The following NUDCD3 variants were observed in gnomAD, a reference collection of about 807,000 sequenced individuals.
NUDCD3 encodes NudC domain containing 3.
Under a neutral mutation model 39.7 loss-of-function variants are expected in NUDCD3, and 13 were observed. The observed-to-expected ratio is 0.33, with a 90% confidence interval of 0.21 to 0.52. The LOEUF is 0.52. NUDCD3 is among the 20% of genes least tolerant of loss of function. The probability of loss-of-function intolerance (pLI) is 0.96; values close to 1 mark genes in which losing one functional copy is unlikely to be tolerated. For missense variants in NUDCD3, 453 were observed against 458.1 expected, an observed-to-expected ratio of 0.99 and a Z score of 0.10; for synonymous variants, 175 against 172.4, an observed-to-expected ratio of 1.02 and a Z score of -0.12.
chr7:44,382,080 G>A lies in NUDCD3; in HGVS notation c.*3931C>T, dbSNP rs1363376910. 2 of 152,110 alleles carry A rather than the reference G, an allele frequency of 1.3e-5. No homozygotes were observed. The highest frequency in any genetic ancestry group is 2.9e-5 in the Non-Finnish European group (2 of 68,026). The allele number at this position is 152,110 out of a possible 1,614,324, so 9.4% of individuals were successfully genotyped here. A position where few individuals can be genotyped will look rare whatever the true frequency, so the allele number is the denominator to read the frequency against. ...CATTTGGTGTGGAGGAATGGGTGGT[G>A]GGATTGAAAACCCCTACCAGACCCC... On this transcript the variant is annotated 3_prime_UTR_variant, in exon 6 of 6. Transcript: ENST00000355451.
intron 2 of NUDCD3, chr7:44,468,349 C>CAAAAAAAAAAAAA (rs77181470): frequency 1.8e-5 from 7 of 381,104 alleles, no homozygotes; most frequent in Non-Finnish European, 2.9e-5. Context: ...GTAAAAACTG[C>CAAAAAAAAAAAAA]AAAAAAAAAA....
intron 1 of NUDCD3, among the ~76,000 whole-genome samples, chr7:44,486,563 AAAC>A (rs1280676245): frequency 6.6e-6 from 1 of 152,096 alleles, no homozygotes; most frequent in Non-Finnish European, 1.5e-5. Flanking sequence ...TAAAAACTGG[AAAC>A]AACACCAGAA....
chr7:44,476,820 A>C (rs894580168), intron 2 of NUDCD3, among the ~76,000 whole-genome samples: 5 of 152,266 alleles, frequency 3.3e-5, no homozygotes, highest in African/African-American at 9.6e-5. Context: ...AATAACGTAA[A>C]ATGAAGTGCA....
intron 2 of NUDCD3, among the ~76,000 whole-genome samples, chr7:44,447,097 G>A (rs991465240): frequency 1.4e-4 from 21 of 152,244 alleles, no homozygotes; most frequent in African/African-American, 5.1e-4. Context: ...GCTTCGCCAT[G>A]AGGCCATTTC....
chr7:44,453,906 G>T (rs1016929059), intron 2 of NUDCD3, among the ~76,000 whole-genome samples: 17 of 152,144 alleles, frequency 1.1e-4, no homozygotes, highest in African/African-American at 3.9e-4. Flanking sequence ...AGCTGAGGGT[G>T]GTGGTGCATG....
At chr7:44,435,179 T>G (rs769546161) in intron 2 of NUDCD3, among the ~76,000 whole-genome samples, 2 of 152,212 alleles carry the variant, frequency 1.3e-5, no homozygotes, top group Non-Finnish European at 2.9e-5. Context: ...TGTTATCTGT[T>G]TAGCATCTAC....
At chr7:44,434,276 C>G (rs1245427042) in intron 2 of NUDCD3, among the ~76,000 whole-genome samples, 1 of 152,152 alleles carries the variant, frequency 6.6e-6, no homozygotes, top group Non-Finnish European at 1.5e-5. Context: ...CGCCAGCAAC[C>G]CAGACGTAGC....
chr7:44,490,292 AC>A, intron 1 of NUDCD3, 116 bp downstream of exon 1: 1 of 1,013,962 alleles, frequency 9.9e-7, no homozygotes, highest in Non-Finnish European at 1.4e-6. Context: ...CACAAGCTCA[AC>A]CCCAGGACAC....
chr7:44,415,702 T>C (rs538497763), intron 3 of NUDCD3, among the ~76,000 whole-genome samples: 2 of 151,944 alleles, frequency 1.3e-5, no homozygotes, highest in South Asian at 4.2e-4. Flanking sequence ...AGCTGGAGAG[T>C]AGAGGATCTG....
intron 3 of NUDCD3, among the ~76,000 whole-genome samples, chr7:44,407,588 T>C (rs1373965716): frequency 2.5e-5 from 3 of 121,354 alleles, no homozygotes; most frequent in Non-Finnish European, 5.2e-5. Context: ...AAAAAAAAAC[T>C]AGAGAACTGA....
chr7:44,406,386 G>A (rs544097567), intron 3 of NUDCD3, among the ~76,000 whole-genome samples: 41 of 152,288 alleles, frequency 2.7e-4, no homozygotes, highest in African/African-American at 9.4e-4. Flanking sequence ...CATGAGGAAC[G>A]TGAGCAAATG....
At chr7:44,415,232 A>G (rs761237690) in intron 3 of NUDCD3, among the ~76,000 whole-genome samples, 6 of 152,240 alleles carry the variant, frequency 3.9e-5, no homozygotes, top group Non-Finnish European at 8.8e-5. Flanking sequence ...CTGTGATTCA[A>G]TGAAATGCCA....
chr7:44,388,808 C>T (rs1054812989), intron 5 of NUDCD3, among the ~76,000 whole-genome samples: 14 of 152,250 alleles, frequency 9.2e-5, no homozygotes, highest in Non-Finnish European at 1.8e-4. Flanking sequence ...TCTCCCAGGG[C>T]ACTTTACTCT....
At chr7:44,472,139 C>T (rs1800269696) in intron 2 of NUDCD3, among the ~76,000 whole-genome samples, 2 of 152,278 alleles carry the variant, frequency 1.3e-5, no homozygotes, top group South Asian at 2.1e-4. Context: ...CTGCCAGTTC[C>T]ATCCTTCCAG....
At chr7:44,424,367 T>C (rs1211035543) in intron 3 of NUDCD3, among the ~76,000 whole-genome samples, 2 of 151,928 alleles carry the variant, frequency 1.3e-5, no homozygotes, top group East Asian at 1.9e-4. Context: ...ACCCACAGAA[T>C]GGGAGAAAAT....
At chr7:44,413,803 A>G (rs1487409467) in intron 3 of NUDCD3, among the ~76,000 whole-genome samples, 2 of 152,254 alleles carry the variant, frequency 1.3e-5, no homozygotes, top group African/African-American at 4.8e-5. Flanking sequence ...CTGTAATCCC[A>G]GCACTTTGGG....
intron 4 of NUDCD3, among the ~76,000 whole-genome samples, chr7:44,400,296 T>A (rs897783902): frequency 1.3e-5 from 2 of 152,204 alleles, no homozygotes; most frequent in East Asian, 3.8e-4. Flanking sequence ...AGAACTGTCA[T>A]ACGGTTTTAG....
intron 2 of NUDCD3, among the ~76,000 whole-genome samples, chr7:44,436,118 T>G (rs1210486627): frequency 6.6e-6 from 1 of 152,176 alleles, no homozygotes; most frequent in Non-Finnish European, 1.5e-5. Flanking sequence ...AAAAAAAAAT[T>G]TTTTGAGACA....
chr7:44,386,243 G>T, intron 5 of NUDCD3, 122 bp from the exon 6 acceptor site: 1 of 1,048,552 alleles, frequency 9.5e-7, no homozygotes, highest in Non-Finnish European at 1.4e-6. Context: ...CACTTGCCTG[G>T]CAAGACCGGC....
Sources: allele counts gnomAD v4.1 joint callset (sites outside exome capture counted in the v4.1 genomes callset), GRCh38; gene constraint gnomAD v4.1.1; transcripts MANE v1.5; gene names NCBI Gene and HGNC (gene_info 2026-07-23, HGNC 2026-07-21).